The following ADCY2 variants were observed in gnomAD, a reference collection of about 807,000 sequenced individuals.
ADCY2 encodes adenylate cyclase type 2.
ADCY2 carries 31 observed loss-of-function variants against 125.2 expected under a neutral mutation model. The observed-to-expected ratio is 0.25, with a 90% CI of 0.19 to 0.33. The LOEUF (loss-of-function observed/expected upper bound fraction) is 0.33, where lower values mean the gene tolerates loss of function less well. ADCY2 is among the 10% of genes least tolerant of loss of function. The pLI is 1.00. For missense variants in ADCY2, 904 were observed against 1,418.2 expected (o/e 0.64, Z 5.82); for synonymous variants, 512 against 548.4 (o/e 0.93, Z 0.93).
intron 2 of ADCY2, among the ~76,000 whole-genome samples, chr5:7,444,158 G>A (rs1479105103): frequency 7.0e-6 from 1 of 141,866 alleles, no homozygotes; most frequent in Non-Finnish European, 1.5e-5. Flanking sequence ...CTGTCTCCCC[G>A]GCTGGAGTGC....
At chr5:7,817,766 C>A (rs879473384) in intron 23 of ADCY2, among the ~76,000 whole-genome samples, 3 of 129,770 alleles carry the variant, frequency 2.3e-5, no homozygotes, top group Non-Finnish European at 3.1e-5. Context: ...GAGGCTGCAG[C>A]AAGCCATAAT....
At chr5:7,596,644 G>A (rs1477550671) in intron 3 of ADCY2, among the ~76,000 whole-genome samples, 1 of 152,162 alleles carries the variant, frequency 6.6e-6, no homozygotes, top group Non-Finnish European at 1.5e-5. Context: ...TCTTTAAGGT[G>A]GGAGTTAAAC....
At chr5:7,677,671 T>C (rs567579409) in intron 4 of ADCY2, among the ~76,000 whole-genome samples, 1 of 152,184 alleles carries the variant, frequency 6.6e-6, no homozygotes, top group East Asian at 1.9e-4. Flanking sequence ...GCTTGTAGGG[T>C]CAGCCCACCT....
intron 18 of ADCY2, among the ~76,000 whole-genome samples, chr5:7,775,342 A>G (rs947694946): frequency 3.3e-5 from 5 of 151,760 alleles, no homozygotes; most frequent in African/African-American, 4.8e-5. Context: ...CAGCCTCCCA[A>G]AGTGTTGAGA....
At chr5:7,546,445 G>A (rs988173024) in intron 3 of ADCY2, among the ~76,000 whole-genome samples, 2 of 152,192 alleles carry the variant, frequency 1.3e-5, no homozygotes, top group Non-Finnish European at 2.9e-5. Flanking sequence ...TGAAGACCGA[G>A]CCTGGGAGAG....
At chr5:7,539,815 C>T (rs1561082321) in intron 3 of ADCY2, among the ~76,000 whole-genome samples, 1 of 152,190 alleles carries the variant, frequency 6.6e-6, no homozygotes, top group African/African-American at 2.4e-5. Context: ...ACTTTATGTA[C>T]AAACATAGGC....
chr5:7,773,182 A>C, intron 18 of ADCY2, 81 bp downstream of exon 18: 1 of 1,382,216 alleles, frequency 7.2e-7, no homozygotes, highest in Non-Finnish European at 9.9e-7. Flanking sequence ...AGTAAATGCA[A>C]GTTAGCGATG....
At chr5:7,594,963 A>G (rs1465382248) in intron 3 of ADCY2, among the ~76,000 whole-genome samples, 1 of 152,208 alleles carries the variant, frequency 6.6e-6, no homozygotes, top group Admixed American at 6.5e-5. Flanking sequence ...TTTAAATGCT[A>G]TCTGTTCATG....
chr5:7,728,793 T>C (rs910062916), intron 14 of ADCY2, among the ~76,000 whole-genome samples: 1 of 152,186 alleles, frequency 6.6e-6, no homozygotes, highest in African/African-American at 2.4e-5. Context: ...TTATAAGTAA[T>C]ACAGGATCTG....
intron 16 of ADCY2, among the ~76,000 whole-genome samples, chr5:7,761,318 T>G (rs1183396594): frequency 1.3e-5 from 2 of 151,732 alleles, no homozygotes; most frequent in Admixed American, 1.3e-4. Flanking sequence ...CCCACCTAAT[T>G]TTTGTATTTT....
rs1741842528 is a variant in ADCY2, at chr5:7,723,865, G to A, written c.1704-680G>A. On this transcript the variant is annotated intron_variant, in intron 12 of 24. Coordinates refer to ENST00000338316, the MANE Select transcript of ADCY2 (RefSeq NM_020546.3). Reference sequence around the variant, plus strand: ...GAACCTGGGAGGCAGAGGTTGCAGTGAGCCGAGATCATGCCACTGCACTCC... The same window carrying A: ...GAACCTGGGAGGCAGAGGTTGCAGTAAGCCGAGATCATGCCACTGCACTCC... 6.2e-5 allele frequency among the ~76,000 whole-genome samples: 8 copies of A among 128,620 alleles called. No homozygotes were observed. In the Admixed American group the frequency reaches 7.0e-4, roughly 11 times the overall value. 84.4% of individuals were successfully genotyped at this position (128,620 alleles called of 152,430 possible).
chr5:7,569,709 T>C (rs1736014505), intron 3 of ADCY2, among the ~76,000 whole-genome samples: 1 of 152,138 alleles, frequency 6.6e-6, no homozygotes. Context: ...TCAGTATGAC[T>C]CTGACTTCCT....
At chr5:7,524,683 A>G (rs1734392039) in intron 3 of ADCY2, among the ~76,000 whole-genome samples, 1 of 152,106 alleles carries the variant, frequency 6.6e-6, no homozygotes, top group Admixed American at 6.5e-5. Context: ...TTCCTCATGA[A>G]TAGATTCCGG....
At chr5:7,820,268 G>A (rs889619696) in intron 23 of ADCY2, among the ~76,000 whole-genome samples, 6 of 152,142 alleles carry the variant, frequency 3.9e-5, no homozygotes, top group African/African-American at 4.8e-5. Flanking sequence ...CAAGACAGGT[G>A]AATCTCCTGA....
intron 2 of ADCY2, among the ~76,000 whole-genome samples, chr5:7,434,962 A>G (rs1207929828): frequency 6.6e-6 from 1 of 152,234 alleles, no homozygotes; most frequent in African/African-American, 2.4e-5. Flanking sequence ...TTCAATTGCT[A>G]TTAAGAGAAT....
intron 2 of ADCY2, among the ~76,000 whole-genome samples, chr5:7,415,583 T>C (rs1274725289): frequency 1.3e-5 from 2 of 152,156 alleles, no homozygotes; most frequent in African/African-American, 2.4e-5. Flanking sequence ...TTAAAGACCC[T>C]TCCTACTTCT....
At chr5:7,458,521 T>C (rs188432763) in intron 2 of ADCY2, among the ~76,000 whole-genome samples, 2 of 152,258 alleles carry the variant, frequency 1.3e-5, no homozygotes, top group South Asian at 2.1e-4. Context: ...AAATAAAACA[T>C]GTATTCTGTG....
intron 2 of ADCY2, among the ~76,000 whole-genome samples, chr5:7,485,368 G>A (rs1296824939): frequency 1.3e-5 from 2 of 151,992 alleles, no homozygotes; most frequent in Non-Finnish European, 2.9e-5. Flanking sequence ...AAATAAAATA[G>A]ACAAAGACAT....
At chr5:7,418,060 A>T (rs1202900342) in intron 2 of ADCY2, among the ~76,000 whole-genome samples, 1 of 152,114 alleles carries the variant, frequency 6.6e-6, no homozygotes, top group Non-Finnish European at 1.5e-5. Flanking sequence ...CTCCCTAAGG[A>T]TCATAAACAT....
Sources: allele counts gnomAD v4.1 joint callset (sites outside exome capture counted in the v4.1 genomes callset), GRCh38; gene constraint gnomAD v4.1.1; transcripts MANE v1.5; gene names NCBI Gene and HGNC (gene_info 2026-07-23, HGNC 2026-07-21).